The following SEMA3C variants were observed in gnomAD, a reference collection of about 807,000 sequenced individuals.
SEMA3C encodes the protein semaphorin 3C.
SEMA3C carries 47 observed loss-of-function variants against 89.4 expected under a neutral mutation model. That is an observed-to-expected ratio of 0.53 (90% CI 0.42 to 0.67). The LOEUF is 0.67. Among genes scored for constraint, SEMA3C ranks in the 30% least tolerant of loss-of-function variants. The pLI, the probability that SEMA3C is intolerant of heterozygous loss-of-function variation, is 0.00. For missense variants in SEMA3C, 839 were observed against 929.1 expected (o/e 0.90, Z 1.26); for synonymous variants, 310 against 320.2 (o/e 0.97, Z 0.34).
intron 12 of SEMA3C, among the ~76,000 whole-genome samples, chr7:80,780,481 T>C (rs972856640): frequency 2.0e-5 from 3 of 152,218 alleles, no homozygotes; most frequent in African/African-American, 7.2e-5. Flanking sequence ...TAATCTTTGT[T>C]TTAAAAAATT....
In SEMA3C at chr7:80,918,876, G is replaced by T; in HGVS notation, c.-87C>A. 1.0e-6 allele frequency: 1 copy of T among 985,474 alleles called. No individual in the cohort carries two copies. The highest frequency in any genetic ancestry group is 1.2e-6 in the Non-Finnish European group (1 of 829,966). The allele number at this position is 985,474 out of a possible 1,614,324, so 61.0% of individuals were successfully genotyped here. On this transcript the variant is annotated 5_prime_UTR_variant, in exon 1 of 18. Transcript: ENST00000265361. Reference sequence around the variant, plus strand: ...GAAAAGTCATCAGTTTGCTACCGGGGTTGGATGCGCTTGTGTCTCCAGTCC... The same window carrying T: ...GAAAAGTCATCAGTTTGCTACCGGGTTTGGATGCGCTTGTGTCTCCAGTCC...
chr7:80,782,372 G>A (rs997780529), intron 12 of SEMA3C, among the ~76,000 whole-genome samples: 5 of 152,150 alleles, frequency 3.3e-5, no homozygotes, highest in Admixed American at 2.0e-4. Flanking sequence ...GTTAAAATGA[G>A]TGCTATCACT....
At chr7:80,872,551 C>T (rs1791087269) in intron 2 of SEMA3C, among the ~76,000 whole-genome samples, 1 of 151,934 alleles carries the variant, frequency 6.6e-6, no homozygotes, top group African/African-American at 2.4e-5. Flanking sequence ...CGCCTGTAAT[C>T]CCAGCACTTT....
intron 15 of SEMA3C, among the ~76,000 whole-genome samples, chr7:80,753,618 CA>C (rs989454822): frequency 1.3e-4 from 19 of 151,680 alleles, no homozygotes; most frequent in African/African-American, 4.6e-4. Flanking sequence ...CACATAGCAT[CA>C]AAAAAACATG....
chr7:80,818,151 G>A lies in SEMA3C; in HGVS notation c.447+148C>T, dbSNP rs1583907163. ...AGGTGATACTTCAAGTAACTTGGCA[G>A]ACAGGAAAAAATGTAATATAGTTTG... is the stretch of plus-strand genomic sequence containing the variant. On this transcript the variant is annotated intron_variant, in intron 5 of 17. Transcript: ENST00000265361. 1.2e-5 allele frequency: 9 copies of A among 731,902 alleles called. No homozygotes were observed. In the East Asian group the frequency reaches 2.6e-4, roughly 21 times the overall value. The allele number at this position is 731,902 out of a possible 1,614,324, so 45.3% of individuals were successfully genotyped here.
At chr7:80,800,580 G>T (rs946548176) in intron 10 of SEMA3C, among the ~76,000 whole-genome samples, 177 bp downstream of exon 10, 7 of 152,264 alleles carry the variant, frequency 4.6e-5, no homozygotes, top group African/African-American at 1.7e-4. Context: ...TATTTGGAAA[G>T]CATTAGTTTA....
At chr7:80,827,404 T>TTG (rs769793830) in intron 4 of SEMA3C, 21 bp downstream of exon 4, 54 of 1,494,106 alleles carry the variant, frequency 3.6e-5, no homozygotes, top group Non-Finnish European at 3.6e-5. Context: ...TTTTTTTTTT[T>TTG]TTTTTTTTTT....
At chr7:80,795,308 G>A (rs1394335605) in intron 11 of SEMA3C, among the ~76,000 whole-genome samples, 3 of 152,148 alleles carry the variant, frequency 2.0e-5, no homozygotes, top group Non-Finnish European at 2.9e-5. Flanking sequence ...AGGGAGGTAC[G>A]CTTTTCCAGG....
At chr7:80,769,582 GGC>G (rs1365335524) in intron 12 of SEMA3C, among the ~76,000 whole-genome samples, 2 of 152,096 alleles carry the variant, frequency 1.3e-5, no homozygotes, top group African/African-American at 4.8e-5. Context: ...ATGCAGGCCG[GGC>G]ACAGTGGCTC....
At chr7:80,781,702 T>C (rs1788694935) in intron 12 of SEMA3C, among the ~76,000 whole-genome samples, 3 of 152,166 alleles carry the variant, frequency 2.0e-5, no homozygotes, top group Non-Finnish European at 4.4e-5. Flanking sequence ...AAAAACTTAG[T>C]GTGGCTGTTT....
intron 12 of SEMA3C, among the ~76,000 whole-genome samples, chr7:80,771,440 T>G (rs1788430329): frequency 1.3e-5 from 2 of 152,230 alleles, no homozygotes; most frequent in Admixed American, 6.5e-5. Flanking sequence ...ATTAAATCAT[T>G]AAAGAAAATT....
At chr7:80,767,444 G>A (rs1788329900) in intron 12 of SEMA3C, among the ~76,000 whole-genome samples, 1 of 152,114 alleles carries the variant, frequency 6.6e-6, no homozygotes, top group African/African-American at 2.4e-5. Context: ...GGTTTCACAA[G>A]TCATGTAAAC....
At chr7:80,803,536 ACT>A (rs1166849115) in intron 8 of SEMA3C, among the ~76,000 whole-genome samples, 2 of 152,064 alleles carry the variant, frequency 1.3e-5, no homozygotes, top group African/African-American at 4.8e-5. Flanking sequence ...AGTCTGTAAA[ACT>A]CTATTATAGA....
At chr7:80,758,242 A>C in intron 15 of SEMA3C, 89 bp downstream of exon 15, 4 of 1,383,954 alleles carry the variant, frequency 2.9e-6, no homozygotes, top group Non-Finnish European at 4.0e-6. Flanking sequence ...TTAAGGAAAC[A>C]GCAATAGAAC....
At chr7:80,830,289 A>G (rs563020032) in intron 2 of SEMA3C, among the ~76,000 whole-genome samples, 1 of 152,290 alleles carries the variant, frequency 6.6e-6, no homozygotes, top group Admixed American at 6.5e-5. Context: ...AAATGCAACA[A>G]TAATAGTAAC....
chr7:80,916,518 CCAAT>C (rs755309381), intron 2 of SEMA3C, among the ~76,000 whole-genome samples, 157 bp downstream of exon 2: 121 of 152,284 alleles, frequency 7.9e-4, no homozygotes, highest in Non-Finnish European at 1.4e-3. Context: ...TGTCTATTAA[CCAAT>C]CATTTAAAAT....
chr7:80,769,389 G>T (rs746119371), intron 12 of SEMA3C, among the ~76,000 whole-genome samples: 5 of 152,090 alleles, frequency 3.3e-5, no homozygotes, highest in Non-Finnish European at 5.9e-5. Flanking sequence ...GCTCTGAAAA[G>T]AAATAAGTAC....
At chr7:80,773,780 G>A (rs773416722) in intron 12 of SEMA3C, among the ~76,000 whole-genome samples, 3 of 152,168 alleles carry the variant, frequency 2.0e-5, no homozygotes, top group African/African-American at 7.2e-5. Context: ...AGAAATTCAC[G>A]TGGAAACACT....
upstream of SEMA3C, chr7:80,919,128 GC>G: frequency 1.3e-5 from 13 of 984,686 alleles, no homozygotes; most frequent in Non-Finnish European, 1.4e-5. Flanking sequence ...GGCTCCGGCT[GC>G]CCCGGCGCGC....
Sources: gnomAD v4.1 joint callset for allele counts (sites outside exome capture counted in the v4.1 genomes callset) on GRCh38, gnomAD v4.1.1 for gene constraint, MANE v1.5 for transcripts, NCBI Gene and HGNC (gene_info 2026-07-23, HGNC 2026-07-21) for gene names.